The following KIF7 variants were observed in gnomAD, a reference collection of about 807,000 sequenced individuals.
KIF7 encodes the protein kinesin-like protein KIF7.
Under a neutral mutation model 135.7 loss-of-function variants are expected in KIF7, and 104 were observed. The observed-to-expected ratio is 0.77, with a 90% CI of 0.65 to 0.90. KIF7 has a LOEUF of 0.90. Among genes scored for constraint, KIF7 ranks in the 40% least tolerant of loss-of-function variants. The pLI is 0.00. For missense variants in KIF7, 2,005 were observed against 1,839.1 expected (o/e 1.09, Z -1.65); for synonymous variants, 883 against 809.4 (o/e 1.09, Z -1.54).
At chr15:89,627,333 G>GAGTC (rs1198331280), downstream of KIF7, 1 of 455,150 alleles carries the variant, frequency 2.2e-6, no homozygotes, top group African/African-American at 2.0e-5. Flanking sequence ...GGCAGCCTGG[G>GAGTC]AGTCAGGAAC....
chr15:89,654,659 G>A (rs142667959), intron 1 of KIF7, among the ~76,000 whole-genome samples: 2,809 of 152,208 alleles, frequency 0.018, 78 homozygotes, highest in African/African-American at 0.062. Flanking sequence ...GGTCCACTTT[G>A]CACTTTATCA....
Position 89,648,356 on chromosome 15 carries a change from C to A in KIF7, c.1342G>T (p.Glu448Ter). ...RKVRDWLCAV[E>*]GERSALSSAS... ...GAGCTCAGGGCGCTGCGCTCGCCCT[C>A]GACGGCGCACAGCCAGTCGCGCACC... The change falls in exon 5 of 19, where the codon GAG becomes TAG. Residue 448 changes from glutamate (E) to a stop codon, truncating the protein, a stop_gained. Coordinates refer to ENST00000394412, the MANE Select transcript of KIF7 (RefSeq NM_198525.3). LOFTEE classifies it high-confidence loss of function. 1 of 1,424,428 alleles carries A rather than the reference C, an allele frequency of 7.0e-7. No individual in the cohort carries two copies. The allele number at this position is 1,424,428 out of a possible 1,614,324, so 88.2% of individuals were successfully genotyped here.
chr15:89,640,855 C>T (rs1328238695), intron 11 of KIF7, among the ~76,000 whole-genome samples: 1 of 150,804 alleles, frequency 6.6e-6, no homozygotes, highest in Non-Finnish European at 1.5e-5. Context: ...AAAAATTAGC[C>T]AGGTGTGGTG....
intron 10 of KIF7, among the ~76,000 whole-genome samples, chr15:89,644,398 G>A (rs7167225): frequency 0.51 from 78,142 of 151,806 alleles, 20,609 homozygotes; most frequent in Non-Finnish European, 0.58. Context: ...AGAAGTGCCG[G>A]GCATGGTGGC....
At chr15:89,621,578 A>G in intron 1 of KIF7, 1 of 1,580,176 alleles carries the variant, frequency 6.3e-7, no homozygotes, top group Non-Finnish European at 8.6e-7. Context: ...TGTTTGAAAT[A>G]ATATAATCTC....
intron 10 of KIF7, among the ~76,000 whole-genome samples, chr15:89,643,606 G>T (rs1383094570): frequency 1.3e-5 from 2 of 152,238 alleles, no homozygotes; most frequent in African/African-American, 4.8e-5. Flanking sequence ...AGAGGACTGT[G>T]CCGGGTGCGG....
rs772293531 is a variant in KIF7, at chr15:89,630,487, G to A, written c.3118C>T (p.Arg1040Trp). 1.4e-5 allele frequency: 22 copies of A among 1,525,548 alleles called. No homozygotes were observed. Among genetic ancestry groups the A allele is most frequent in the South Asian group, 4.8e-5 (4 of 83,564 alleles). The allele number at this position is 1,525,548 out of a possible 1,614,324, so 94.5% of individuals were successfully genotyped here. ...QGSLLSPEEE[R>W]TLFQLDEAIE... ...GCCTCATCCAACTGGAACAGCGTCC[G>A]CTCCTCCTGCAGAGACGGGCACGCG... is the stretch of plus-strand genomic sequence containing the variant. The change falls in exon 16 of 19, where the codon CGG (arginine) becomes TGG (tryptophan). Residue 1040 changes from arginine (R) to tryptophan (W), a missense_variant. By Grantham distance (101) the Arg-to-Trp change is moderately radical. Transcript: ENST00000394412.
chr15:89,617,939 G>A (rs868072049), intron 2 of KIF7: 23 of 572,032 alleles, frequency 4.0e-5, no homozygotes, highest in Middle Eastern at 4.7e-4. Flanking sequence ...TGATCCGCCC[G>A]CCTTAGCCTC....
At chr15:89,625,516 G>A, downstream of KIF7, 1 of 1,613,862 alleles carries the variant, frequency 6.2e-7, no homozygotes, top group Non-Finnish European at 8.5e-7. Context: ...GCCCATCTTG[G>A]AGGATTTTGA....
rs1214331197 is a variant in KIF7, at chr15:89,648,376, C to T, written c.1322G>A (p.Arg441His). 2.5e-6 allele frequency: 3 copies of T among 1,219,236 alleles called. No individual in the cohort carries two copies. The highest frequency in any genetic ancestry group is 1.0e-6 in the Non-Finnish European group (1 of 976,774). 75.5% of individuals were successfully genotyped at this position (1,219,236 alleles called of 1,614,324 possible). Reference protein sequence around the residue: ...GLPGAAARKVRDWLCAVEGER... With the variant: ...GLPGAAARKVHDWLCAVEGER... ...GCCCTCGACGGCGCACAGCCAGTCG[C>T]GCACCTTGCGGGCGGCGGCGCCGGG... Residue 441 changes from arginine to histidine, a missense_variant, in exon 5 of 19, where the codon CGC becomes CAC. Coordinates refer to ENST00000394412, the MANE Select transcript of KIF7 (RefSeq NM_198525.3).
At position 89,629,594 on chromosome 15, in the gene KIF7, G is replaced by A; in HGVS notation, c.3319-21C>T. 3.1e-6 allele frequency: 5 copies of A among 1,602,480 alleles called. No individual in the cohort carries two copies. In the South Asian group the frequency reaches 3.3e-5, roughly 11 times the overall value. ...ACCACCTGTCCCAAGACCCAGCCAGGCTCAGCCCTCATCATGACCCCTCTT... is the reference window on the plus strand; with the variant it reads ...ACCACCTGTCCCAAGACCCAGCCAGACTCAGCCCTCATCATGACCCCTCTT... On this transcript the variant is annotated intron_variant, in intron 16 of 18. Coordinates refer to ENST00000394412, the MANE Select transcript of KIF7 (RefSeq NM_198525.3).
upstream of KIF7, among the ~76,000 whole-genome samples, chr15:89,658,515 C>T (rs910025728): frequency 5.3e-5 from 8 of 151,932 alleles, no homozygotes; most frequent in East Asian, 1.9e-4. Context: ...CAGTTATCCA[C>T]GTGGAAGAAA....
rs11634830 is a variant in KIF7 at position 89,652,402 on chromosome 15, C to G, written c.328+201G>C. ...AGGTGAGAAGGCCACTCACCTCCAA[C>G]GACCCTTCCTTCCTGCCCTGCCTAG... On this transcript the variant is annotated intron_variant, in intron 2 of 18. Coordinates refer to ENST00000394412, the MANE Select transcript of KIF7 (RefSeq NM_198525.3). Among the ~76,000 whole-genome samples, 723 of 152,240 alleles carry G rather than the reference C, an allele frequency of 4.7e-3. 7 individuals are homozygous for G. Among genetic ancestry groups the G allele is most frequent in the African/African-American group, 0.017 (694 of 41,546 alleles).
chr15:89,656,442 A>G (rs1964208092), upstream of KIF7, among the ~76,000 whole-genome samples: 1 of 151,676 alleles, frequency 6.6e-6, no homozygotes, highest in Non-Finnish European at 1.5e-5. Context: ...TGCCCTTTGG[A>G]TCAAGAGCAC....
chr15:89,626,936 G>A (rs746976313), downstream of KIF7: 82 of 1,611,930 alleles, frequency 5.1e-5, no homozygotes, highest in Non-Finnish European at 6.5e-5. Flanking sequence ...TGCATGCTAA[G>A]CCTTTCTACC....
Position 89,649,019 on chromosome 15 carries a change from T to TG in KIF7, c.877dup (p.Gln293ProfsTer170), listed in dbSNP as rs1369825523. 11 of 1,547,812 alleles carry TG rather than the reference T, an allele frequency of 7.1e-6. No individual in the cohort carries two copies. The highest frequency in any genetic ancestry group is 9.6e-6 in the Non-Finnish European group (11 of 1,146,480). ...GTAGGGTATGTGGCTGCCCCGGCGC[T>TG]GAGGGTCCCCCAGGGCGCTGATGAC... On this transcript the variant is annotated frameshift_variant, in exon 4 of 19. Coordinates refer to ENST00000394412, the MANE Select transcript of KIF7 (RefSeq NM_198525.3). LOFTEE classifies it high-confidence loss of function.
downstream of KIF7, chr15:89,625,126 A>G: frequency 1.2e-6 from 2 of 1,613,986 alleles, no homozygotes; most frequent in Non-Finnish European, 1.7e-6. Context: ...CCCTGCTCTC[A>G]GCATGCCCAG....
Position 89,628,191 on chromosome 15 carries a change from TACC to T in KIF7, c.*225_*227del. ...AGCAAGACACAAGGCGGCAATTGGG[TACC>T]ACAGCTTCATGGAAGTAAGTGGTGG... On this transcript the variant is annotated 3_prime_UTR_variant, in exon 19 of 19. Coordinates refer to ENST00000394412, the MANE Select transcript of KIF7 (RefSeq NM_198525.3). 1 of 505,538 alleles carries T rather than the reference TACC, an allele frequency of 2.0e-6. No homozygotes were observed. Among genetic ancestry groups the T allele is most frequent in the Admixed American group, 3.6e-5 (1 of 27,708 alleles). The allele number at this position is 505,538 out of a possible 1,614,324, so 31.3% of individuals were successfully genotyped here.
chr15:89,652,604 C>A lies in KIF7; in HGVS notation c.327G>T (p.Val109=). The part of the protein sequence containing the change: ...GKTYTMGEAS[V]ASLLEDEQGI... ...AGGGCCACGAACAGGGTCACTCACC[C>A]ACACTGGCCTCCCCCATGGTGTATG... Residue 109 remains valine, a splice_region_variant and synonymous_variant, in exon 2 of 19, where the codon GTG becomes GTT. Coordinates refer to ENST00000394412, the MANE Select transcript of KIF7 (RefSeq NM_198525.3). The A allele has an allele frequency of 6.6e-7, 1 of 1,518,720 alleles. No individual in the cohort carries two copies. The highest frequency in any genetic ancestry group is 1.2e-5 in the South Asian group (1 of 80,378). The allele number at this position is 1,518,720 out of a possible 1,614,324, so 94.1% of individuals were successfully genotyped here. A position where few individuals can be genotyped will look rare whatever the true frequency, so the allele number is the denominator to read the frequency against.
Sources: gnomAD v4.1 joint callset for allele counts (sites outside exome capture counted in the v4.1 genomes callset) on GRCh38, gnomAD v4.1.1 for gene constraint, MANE v1.5 for transcripts, NCBI Gene and HGNC (gene_info 2026-07-23, HGNC 2026-07-21) for gene names.